PROS1: variants seen among roughly 807,000 people sequenced by gnomAD.
The protein encoded by PROS1 is protein S.
Under a neutral mutation model 75.9 loss-of-function variants are expected in PROS1, and 29 were observed. That is an observed-to-expected ratio of 0.38 (90% CI 0.28 to 0.52). PROS1 has a LOEUF of 0.52. PROS1 is among the 20% of genes least tolerant of loss of function. The probability of loss-of-function intolerance (pLI) is 0.83; values close to 1 mark genes in which losing one functional copy is unlikely to be tolerated. For synonymous variants in PROS1, 245 were observed against 280.6 expected (o/e 0.87, Z 1.27); for missense variants, 680 against 810.3 (o/e 0.84, Z 1.95).
At chr3:93,922,118 AT>A (rs1202440770) in intron 3 of PROS1, among the ~76,000 whole-genome samples, 5 of 152,092 alleles carry the variant, frequency 3.3e-5, no homozygotes, top group African/African-American at 1.2e-4. Context: ...TTGTCATTTT[AT>A]TTTGTTATTA....
chr3:93,954,622 C>T (rs1215875766), intron 1 of PROS1, among the ~76,000 whole-genome samples: 3 of 152,084 alleles, frequency 2.0e-5, no homozygotes, highest in African/African-American at 7.2e-5. Context: ...CCATAAAAAC[C>T]CTAGAAGATA....
intron 3 of PROS1, among the ~76,000 whole-genome samples, chr3:93,922,503 T>C (rs557248590): frequency 1.3e-5 from 2 of 152,328 alleles, no homozygotes; most frequent in South Asian, 2.1e-4. Flanking sequence ...TTCAAGATAG[T>C]ACATGGAATA....
At chr3:93,955,458 C>A (rs1353184395) in intron 1 of PROS1, among the ~76,000 whole-genome samples, 1 of 152,094 alleles carries the variant, frequency 6.6e-6, no homozygotes, top group Non-Finnish European at 1.5e-5. Flanking sequence ...CCATCATTCT[C>A]AGCAAACTAT....
chr3:93,888,776 T>C (rs772573285), intron 10 of PROS1, among the ~76,000 whole-genome samples: 1 of 152,174 alleles, frequency 6.6e-6, no homozygotes, highest in Admixed American at 6.6e-5. Flanking sequence ...TATCCTGTTA[T>C]ACACTCATTC....
In PROS1 at chr3:93,935,586, C is replaced by T. The variant is rs1332990257; in HGVS notation, c.77-8179G>A. 2.6e-5 allele frequency among the ~76,000 whole-genome samples: 4 copies of T among 152,140 alleles called. No homozygotes were observed. The East Asian group carries it at 7.7e-4, about 29-fold the overall frequency. ...AATATCGCCCTACTTGCAATAGCCC[C>T]TAGATCCCTGAAATAAGCAAGTCTG... On this transcript the variant is annotated intron_variant, in intron 1 of 14. Coordinates refer to ENST00000394236, the MANE Select transcript of PROS1 (RefSeq NM_000313.4).
chr3:93,875,001 C>T (rs1708161167), intron 14 of PROS1, among the ~76,000 whole-genome samples: 1 of 152,046 alleles, frequency 6.6e-6, no homozygotes, highest in Non-Finnish European at 1.5e-5. Context: ...CTCCATTAAT[C>T]TTAACTCACA....
At chr3:93,879,058 CTTT>C (rs1708237387) in intron 13 of PROS1, 102 bp downstream of exon 13, 1 of 1,175,526 alleles carries the variant, frequency 8.5e-7, no homozygotes, top group African/African-American at 1.5e-5. Flanking sequence ...ACATAAGTTA[CTTT>C]ATTTAATCTT....
chr3:93,884,333 A>C (rs1293587494), intron 12 of PROS1, among the ~76,000 whole-genome samples: 8 of 152,204 alleles, frequency 5.3e-5, no homozygotes, highest in Admixed American at 5.2e-4. Context: ...GTGTGAACAG[A>C]TAGGGAATTT....
chr3:93,942,658 A>T (rs983348272), intron 1 of PROS1, among the ~76,000 whole-genome samples: 1 of 152,168 alleles, frequency 6.6e-6, no homozygotes, highest in African/African-American at 2.4e-5. Context: ...ACCAAGGAAA[A>T]TATCTCCTTC....
intron 7 of PROS1, among the ~76,000 whole-genome samples, chr3:93,898,771 A>G (rs1464343376): frequency 6.6e-6 from 1 of 152,136 alleles, no homozygotes; most frequent in Non-Finnish European, 1.5e-5. Flanking sequence ...GTTTTTATTT[A>G]CATATTTGAA....
intron 6 of PROS1, among the ~76,000 whole-genome samples, chr3:93,904,077 G>A (rs568777104): frequency 6.7e-6 from 1 of 149,366 alleles, no homozygotes; most frequent in Admixed American, 6.7e-5. Flanking sequence ...TTGGTTTTTT[G>A]TTCTTGCGAT....
chr3:93,965,837 G>T (rs1709780394), intron 1 of PROS1, among the ~76,000 whole-genome samples: 1 of 152,118 alleles, frequency 6.6e-6, no homozygotes, highest in Non-Finnish European at 1.5e-5. Context: ...TGGAATTACA[G>T]GTGGGCACCA....
At chr3:93,964,944 A>G (rs1559953764) in intron 1 of PROS1, among the ~76,000 whole-genome samples, 1 of 152,238 alleles carries the variant, frequency 6.6e-6, no homozygotes, top group Non-Finnish European at 1.5e-5. Flanking sequence ...AGAATCCCTA[A>G]GCCTAGCTGG....
chr3:93,927,230 T>C lies in PROS1; in HGVS notation c.234+20A>G, dbSNP rs1709032011. On this transcript the variant is annotated intron_variant, in intron 2 of 14. Transcript: ENST00000394236. Reference sequence around the variant, plus strand: ...TGTATGTCTAGATGTGTGAACTTGATAGTTTCCATAAATGCTTACCGTTTC... The same window carrying C: ...TGTATGTCTAGATGTGTGAACTTGACAGTTTCCATAAATGCTTACCGTTTC... 1.2e-6 allele frequency: 2 copies of C among 1,611,992 alleles called. No individual in the cohort carries two copies. Among genetic ancestry groups the C allele is most frequent in the South Asian group, 1.1e-5 (1 of 91,004 alleles).
chr3:93,935,474 G>A (rs1576202916), intron 1 of PROS1, among the ~76,000 whole-genome samples: 1 of 151,852 alleles, frequency 6.6e-6, no homozygotes, highest in Non-Finnish European at 1.5e-5. Flanking sequence ...CTGTGGCCTG[G>A]GTCTGTACTT....
chr3:93,888,998 A>G (rs1385964368), intron 10 of PROS1, among the ~76,000 whole-genome samples: 10 of 152,026 alleles, frequency 6.6e-5, no homozygotes. Context: ...CTGCTACACT[A>G]CTCTGTGTTA....
intron 1 of PROS1, among the ~76,000 whole-genome samples, chr3:93,971,399 A>T (rs867240260): frequency 3.8e-5 from 5 of 130,458 alleles, no homozygotes; most frequent in African/African-American, 8.6e-5. Flanking sequence ...AAATAAATAA[A>T]TAATTCTAAA....
At chr3:93,894,584 A>G (rs1157734060) in intron 9 of PROS1, among the ~76,000 whole-genome samples, 1 of 152,118 alleles carries the variant, frequency 6.6e-6, no homozygotes, top group Non-Finnish European at 1.5e-5. Flanking sequence ...TGTTCTGCAT[A>G]TTTTGTTTCT....
chr3:93,877,226 G>T (rs377136155), intron 13 of PROS1, 35 bp from the exon 14 acceptor site: 2 of 1,476,706 alleles, frequency 1.4e-6, no homozygotes, highest in Non-Finnish European at 1.9e-6. Context: ...TATAAGCAAG[G>T]AGTAAGAGTA....
Sources: gnomAD v4.1 joint callset for allele counts (sites outside exome capture counted in the v4.1 genomes callset) on GRCh38, gnomAD v4.1.1 for gene constraint, MANE v1.5 for transcripts, NCBI Gene and HGNC (gene_info 2026-07-23, HGNC 2026-07-21) for gene names.